TSPAN11: variants seen among roughly 807,000 people sequenced by gnomAD.
The protein encoded by TSPAN11 is tetraspanin-11.
Under a neutral mutation model 32.9 loss-of-function variants are expected in TSPAN11, and 29 were observed. The ratio of observed to expected loss-of-function variants is 0.88; its 90% CI spans 0.66 to 1.20. The LOEUF (loss-of-function observed/expected upper bound fraction) is 1.20. TSPAN11 is among the 50% of genes most tolerant of loss of function. The pLI, the probability that TSPAN11 is intolerant of heterozygous loss-of-function variation, is 0.00. For missense variants in TSPAN11, 283 were observed against 329.1 expected, an observed-to-expected ratio of 0.86 and a Z score of 1.08; for synonymous variants, 140 against 141.3, an observed-to-expected ratio of 0.99 and a Z score of 0.07.
chr12:30,958,532 T>A (rs147778840), intron 2 of TSPAN11, among the ~76,000 whole-genome samples: 12 of 152,226 alleles, frequency 7.9e-5, no homozygotes, highest in African/African-American at 2.4e-4. Flanking sequence ...GGTATAGGGC[T>A]CAGCTGTGCT....
chr12:30,970,813 G>A (rs1235797893), intron 3 of TSPAN11, among the ~76,000 whole-genome samples: 1 of 152,204 alleles, frequency 6.6e-6, no homozygotes, highest in Non-Finnish European at 1.5e-5. Context: ...TACAGGAATG[G>A]CTGAAGGCTC....
chr12:30,932,510 C>T (rs1378625307), intron 1 of TSPAN11, among the ~76,000 whole-genome samples: 1 of 152,172 alleles, frequency 6.6e-6, no homozygotes, highest in Non-Finnish European at 1.5e-5. Flanking sequence ...AGTAGCATCC[C>T]TGGGGCTCAC....
In TSPAN11 at chr12:30,976,287, T is replaced by C. The variant is rs75634403; in HGVS notation, c.277-2274T>C. On this transcript the variant is annotated intron_variant, in intron 3 of 7. Transcript: ENST00000546076. ...CATTTCCCCCTCGTTGGGTCCTCCT[T>C]GTCCCTAAACTTTGCGTCCTACACG... Among the ~76,000 whole-genome samples the C allele has an allele frequency of 4.6e-5, 7 of 152,072 alleles. No homozygotes were observed. In the East Asian group the frequency reaches 1.2e-3, roughly 25 times the overall value.
At chr12:30,932,816 G>A (rs1008988346) in intron 1 of TSPAN11, among the ~76,000 whole-genome samples, 9 of 152,228 alleles carry the variant, frequency 5.9e-5, no homozygotes, top group African/African-American at 2.2e-4. Flanking sequence ...GACAAGATAG[G>A]GACTATTTTG....
the TSPAN11 span, among the ~76,000 whole-genome samples, chr12:31,009,573 G>A: frequency 3.9e-5 from 6 of 152,104 alleles, no homozygotes; most frequent in South Asian, 2.1e-4. Context: ...TTTTCAGCCC[G>A]GCAACAGAAG....
chr12:30,927,113 C>T (rs912972930), intron 1 of TSPAN11: 1 of 1,099,436 alleles, frequency 9.1e-7, no homozygotes. Flanking sequence ...CTGAGGGCCT[C>T]GTGCCGTCCA....
chr12:30,931,435 G>A (rs1341702846), intron 1 of TSPAN11, among the ~76,000 whole-genome samples: 1 of 152,166 alleles, frequency 6.6e-6, no homozygotes, highest in Non-Finnish European at 1.5e-5. Flanking sequence ...TGGTGTGGTA[G>A]CTTGACTGAA....
At chr12:31,006,203 T>C in the TSPAN11 span, among the ~76,000 whole-genome samples, 1 of 152,096 alleles carries the variant, frequency 6.6e-6, no homozygotes, top group Non-Finnish European at 1.5e-5. Context: ...TATCATCTAG[T>C]CTATGGCAGG....
At chr12:30,927,146 C>A (rs1252076173) in intron 1 of TSPAN11, 1 of 727,282 alleles carries the variant, frequency 1.4e-6, no homozygotes, top group Non-Finnish European at 1.9e-6. Flanking sequence ...CATGTCTGTT[C>A]CTCTTGAAAA....
chr12:30,939,236 A>T (rs1228336895), intron 1 of TSPAN11, among the ~76,000 whole-genome samples: 3 of 88,344 alleles, frequency 3.4e-5, no homozygotes, highest in Non-Finnish European at 8.0e-5. Flanking sequence ...GCAAGACTCC[A>T]TCAAAAAAAA....
At chr12:30,970,710 C>T (rs980151141) in intron 3 of TSPAN11, among the ~76,000 whole-genome samples, 5 of 152,164 alleles carry the variant, frequency 3.3e-5, no homozygotes, top group Non-Finnish European at 7.4e-5. Flanking sequence ...CAACCTTTGG[C>T]GTGGTTGCAG....
At chr12:30,937,872 T>C (rs1237669953) in intron 1 of TSPAN11, among the ~76,000 whole-genome samples, 1 of 152,224 alleles carries the variant, frequency 6.6e-6, no homozygotes, top group African/African-American at 2.4e-5. Flanking sequence ...GCTGTCCTTG[T>C]CTGCATGGTT....
the TSPAN11 span, chr12:31,012,363 C>A: frequency 6.6e-6 from 1 of 152,398 alleles, no homozygotes; most frequent in Non-Finnish European, 1.5e-5. Context: ...AAATACATTT[C>A]ACACAACAGT....
At chr12:31,006,884 T>A in the TSPAN11 span, among the ~76,000 whole-genome samples, 5 of 152,258 alleles carry the variant, frequency 3.3e-5, no homozygotes, top group Admixed American at 6.5e-5. Flanking sequence ...CATAGGTATA[T>A]TTCATGCAGA....
intron 2 of TSPAN11, among the ~76,000 whole-genome samples, chr12:30,960,598 T>G (rs1381780442): frequency 6.6e-6 from 1 of 152,038 alleles, no homozygotes; most frequent in Non-Finnish European, 1.5e-5. Context: ...CACCCCATCA[T>G]GTTTCTTTCC....
chr12:31,000,421 G>A (rs926079312), downstream of TSPAN11, among the ~76,000 whole-genome samples: 3 of 152,210 alleles, frequency 2.0e-5, no homozygotes, highest in African/African-American at 4.8e-5. Flanking sequence ...ATGTCTGACC[G>A]ATTTCTTGCC....
Position 30,957,792 on chromosome 12 carries a change from CTT to C in TSPAN11, c.84+3718_84+3719del, listed in dbSNP as rs1343981127. 2.7e-3 allele frequency among the ~76,000 whole-genome samples: 124 copies of C among 46,366 alleles called. 9 individuals carry two copies. Among genetic ancestry groups the C allele is most frequent in the Non-Finnish European group, 4.0e-3 (104 of 25,762 alleles). The allele number at this position is 46,366 out of a possible 152,430, so 30.4% of individuals were successfully genotyped here. On this transcript the variant is annotated intron_variant, in intron 2 of 7. Coordinates refer to ENST00000546076, the MANE Select transcript of TSPAN11 (RefSeq NM_001370302.1). ...CCTTCCTTCCCTCCCTCCCTCCCTC[CTT>C]CCTTCCCTCCTTCCTTCCTTCCCTC...
intron 2 of TSPAN11, among the ~76,000 whole-genome samples, chr12:30,962,203 G>A (rs1938626144): frequency 6.6e-6 from 1 of 152,170 alleles, no homozygotes; most frequent in African/African-American, 2.4e-5. Context: ...CATTCTGTTT[G>A]CTGTAGCCCA....
chr12:30,931,151 T>A (rs1388254633), intron 1 of TSPAN11, among the ~76,000 whole-genome samples: 1 of 152,148 alleles, frequency 6.6e-6, no homozygotes, highest in Non-Finnish European at 1.5e-5. Context: ...ATTTTTTTTT[T>A]AATATGTACT....
Sources: gnomAD v4.1 joint callset for allele counts (sites outside exome capture counted in the v4.1 genomes callset) on GRCh38, gnomAD v4.1.1 for gene constraint, MANE v1.5 for transcripts, NCBI Gene and HGNC (gene_info 2026-07-23, HGNC 2026-07-21) for gene names.